Variants in PLD5 observed in about 807,000 individuals in gnomAD.
PLD5 encodes inactive phospholipase D5.
In PLD5, 36 loss-of-function variants were observed where a neutral mutation model predicts 61.1. The observed-to-expected ratio is 0.59, with a 90% CI of 0.45 to 0.78. The LOEUF (loss-of-function observed/expected upper bound fraction) is 0.78, where lower values mean the gene tolerates loss of function less well. Among genes scored for constraint, PLD5 ranks in the 30% least tolerant of loss-of-function variants. The pLI, the probability that PLD5 is intolerant of heterozygous loss-of-function variation, is 0.00. For missense variants in PLD5, 515 were observed against 644.4 expected, an observed-to-expected ratio of 0.80 and a Z score of 2.17; for synonymous variants, 243 against 242.8, an observed-to-expected ratio of 1.00 and a Z score of -0.01.
chr1:242,495,249 A>T (rs1668333307), intron 1 of PLD5, among the ~76,000 whole-genome samples: 1 of 152,158 alleles, frequency 6.6e-6, no homozygotes, highest in Non-Finnish European at 1.5e-5. Context: ...AACCATGTGG[A>T]TGCTCAAAAA....
intron 2 of PLD5, among the ~76,000 whole-genome samples, chr1:242,310,590 T>G (rs1676642671): frequency 6.6e-6 from 1 of 151,778 alleles, no homozygotes; most frequent in Non-Finnish European, 1.5e-5. Context: ...ATCTTATAGG[T>G]TGGTGCAAAA....
At chr1:242,127,064 A>G (rs1416090638) in intron 5 of PLD5, among the ~76,000 whole-genome samples, 1 of 152,208 alleles carries the variant, frequency 6.6e-6, no homozygotes, top group Non-Finnish European at 1.5e-5. Context: ...GCTCAACATC[A>G]CTAATGATCA....
intron 1 of PLD5, among the ~76,000 whole-genome samples, chr1:242,494,878 C>CT (rs556893161): frequency 2.2e-5 from 3 of 135,890 alleles, no homozygotes; most frequent in African/African-American, 2.8e-5. Context: ...TTTTTCTTTT[C>CT]TGTTTTTTTT....
intron 1 of PLD5, among the ~76,000 whole-genome samples, chr1:242,368,092 AAACAAC>A (rs750546445): frequency 6.6e-6 from 1 of 152,094 alleles, no homozygotes; most frequent in Non-Finnish European, 1.5e-5. Context: ...TGTAAACAGT[AAACAAC>A]AACAACAACA....
At chr1:242,370,446 G>A (rs557688712) in intron 1 of PLD5, among the ~76,000 whole-genome samples, 373 of 152,238 alleles carry the variant, frequency 2.5e-3, no homozygotes, top group Non-Finnish European at 4.4e-3. Flanking sequence ...TGCAGAGAGA[G>A]AGAGATGCAG....
chr1:242,319,818 A>T (rs1658266597), intron 2 of PLD5, among the ~76,000 whole-genome samples: 1 of 152,240 alleles, frequency 6.6e-6, no homozygotes, highest in Admixed American at 6.5e-5. Context: ...GACAAGTTGA[A>T]TGCGTATGTG....
chr1:242,395,481 A>T (rs1165730052), intron 1 of PLD5, among the ~76,000 whole-genome samples: 3 of 152,204 alleles, frequency 2.0e-5, no homozygotes, highest in Non-Finnish European at 4.4e-5. Flanking sequence ...AGAATTAAGA[A>T]ACAAGATGAA....
intron 5 of PLD5, among the ~76,000 whole-genome samples, chr1:242,173,964 A>T (rs1293198770): frequency 6.6e-6 from 1 of 152,232 alleles, no homozygotes; most frequent in Admixed American, 6.5e-5. Context: ...AACCTAGGTA[A>T]TACCATTCGG....
chr1:242,151,049 C>A lies in PLD5; in HGVS notation c.736-26384G>T, dbSNP rs548877262. Among the ~76,000 whole-genome samples the A allele has an allele frequency of 5.3e-5, 8 of 151,794 alleles. No individual in the cohort carries two copies. The East Asian group carries it at 1.5e-3, about 29-fold the overall frequency. On this transcript the variant is annotated intron_variant, in intron 5 of 9. Transcript: ENST00000536534. ...TCAGAGTCCCTTCAAATAATACATA[C>A]CACTTTATATATAATATAAGGACCT...
chr1:242,252,771 A>G (rs1041947259), intron 4 of PLD5, among the ~76,000 whole-genome samples: 77 of 151,322 alleles, frequency 5.1e-4, no homozygotes, highest in Non-Finnish European at 9.6e-4. Context: ...TTTCTGAAAG[A>G]CTGCCATTTA....
chr1:242,217,624 CA>C (rs1298076614), intron 5 of PLD5, among the ~76,000 whole-genome samples: 1 of 151,966 alleles, frequency 6.6e-6, no homozygotes, highest in Non-Finnish European at 1.5e-5. Context: ...AACTCCATCT[CA>C]AAAAAAGAAC....
intron 5 of PLD5, among the ~76,000 whole-genome samples, chr1:242,144,519 G>A (rs1247748164): frequency 1.3e-5 from 2 of 152,202 alleles, no homozygotes; most frequent in Non-Finnish European, 2.9e-5. Context: ...CGTGGCTCAT[G>A]CCTGTAATCC....
At chr1:242,435,439 C>T (rs915512938) in intron 1 of PLD5, among the ~76,000 whole-genome samples, 1 of 149,248 alleles carries the variant, frequency 6.7e-6, no homozygotes, top group Non-Finnish European at 1.5e-5. Context: ...TTTAAAATGC[C>T]CCCCAGGTGT....
intron 4 of PLD5, among the ~76,000 whole-genome samples, chr1:242,240,958 C>T (rs425246): frequency 0.14 from 20,784 of 152,044 alleles, 2,465 homozygotes; most frequent in African/African-American, 0.32. Flanking sequence ...AAAGGTGTAA[C>T]TACAACAAGG....
At chr1:242,450,116 T>C (rs1372173660) in intron 1 of PLD5, among the ~76,000 whole-genome samples, 1 of 152,220 alleles carries the variant, frequency 6.6e-6, no homozygotes, top group Non-Finnish European at 1.5e-5. Flanking sequence ...CACGGGGCTC[T>C]TTGCTTTTCC....
intron 3 of PLD5, among the ~76,000 whole-genome samples, chr1:242,286,309 C>CA (rs1427986777): frequency 6.6e-6 from 1 of 151,898 alleles, no homozygotes; most frequent in Non-Finnish European, 1.5e-5. Context: ...TGTGCCATCT[C>CA]AAAATATGTC....
At chr1:242,390,030 A>G (rs1662835436) in intron 1 of PLD5, among the ~76,000 whole-genome samples, 1 of 146,614 alleles carries the variant, frequency 6.8e-6, no homozygotes, top group African/African-American at 2.5e-5. Context: ...AATTATTATT[A>G]TTATTATTGA....
intron 5 of PLD5, among the ~76,000 whole-genome samples, chr1:242,167,067 CAATAATAATAGTAATAATAAT>C (rs756813284): frequency 1.1e-3 from 61 of 55,244 alleles, no homozygotes; most frequent in African/African-American, 3.9e-3. Context: ...GAGTGAGAGA[CAATAATAATAGTAATAATAAT>C]AATAATAATA....
chr1:242,100,912 A>G, intron 8 of PLD5, 130 bp from the exon 9 acceptor site: 1 of 624,862 alleles, frequency 1.6e-6, no homozygotes. Context: ...CCATAATCTT[A>G]TTACCTCATA....
Sources: gnomAD v4.1 joint callset for allele counts (sites outside exome capture counted in the v4.1 genomes callset) on GRCh38, gnomAD v4.1.1 for gene constraint, MANE v1.5 for transcripts, NCBI Gene and HGNC (gene_info 2026-07-23, HGNC 2026-07-21) for gene names.